TRPC6: variants seen among roughly 807,000 people sequenced by gnomAD.
TRPC6 encodes the protein transient receptor potential cation channel subfamily C member 6.
A neutral mutation model predicts 90.7 loss-of-function variants in TRPC6; 55 were observed. The ratio of observed to expected loss-of-function variants is 0.61; its 90% CI spans 0.49 to 0.76. The LOEUF is 0.76. Among genes scored for constraint, TRPC6 ranks in the 30% least tolerant of loss-of-function variants. The probability of loss-of-function intolerance (pLI) is 0.00; values close to 1 mark genes in which losing one functional copy is unlikely to be tolerated. For synonymous variants in TRPC6, 393 were observed against 393.0 expected (o/e 1.00, Z 0.00); for missense variants, 989 against 1,122.7 (o/e 0.88, Z 1.70).
At chr11:101,507,005 TAACACA>T (rs1565222769) in intron 1 of TRPC6, among the ~76,000 whole-genome samples, 2 of 64,940 alleles carry the variant, frequency 3.1e-5, no homozygotes, top group African/African-American at 5.4e-5. Flanking sequence ...TCTCTCTCTC[TAACACA>T]CACACACACA....
Position 101,452,345 on chromosome 11 carries a change from A to T in TRPC6, c.*610T>A, listed in dbSNP as rs200709731. The T allele has an allele frequency of 1.3e-5, 2 of 153,294 alleles. No homozygotes were observed. Among genetic ancestry groups the T allele is most frequent in the Non-Finnish European group, 2.9e-5 (2 of 68,848 alleles). The allele number at this position is 153,294 out of a possible 1,614,324, so 9.5% of individuals were successfully genotyped here. A position where few individuals can be genotyped will look rare whatever the true frequency, so the allele number is the denominator to read the frequency against. On this transcript the variant is annotated 3_prime_UTR_variant, in exon 13 of 13. Transcript: ENST00000344327. Reference sequence around the variant, plus strand: ...GTTCAGTGGAGGAAAAACTTTTTTCATTGTTAAGTGTAATGTTTTCAAATA... The same window carrying T: ...GTTCAGTGGAGGAAAAACTTTTTTCTTTGTTAAGTGTAATGTTTTCAAATA...
chr11:101,483,781 G>C (rs1264542518), intron 4 of TRPC6, among the ~76,000 whole-genome samples: 1 of 152,176 alleles, frequency 6.6e-6, no homozygotes, highest in Non-Finnish European at 1.5e-5. Flanking sequence ...TTTAGGTTCA[G>C]GTTCCAGTTT....
At chr11:101,529,261 T>C (rs554117480) in intron 1 of TRPC6, among the ~76,000 whole-genome samples, 28 of 152,226 alleles carry the variant, frequency 1.8e-4, no homozygotes, top group Admixed American at 1.8e-3. Flanking sequence ...ATAATGCATA[T>C]ATAGTCGATT....
chr11:101,523,099 C>A (rs1296700927), intron 1 of TRPC6, among the ~76,000 whole-genome samples: 1 of 152,146 alleles, frequency 6.6e-6, no homozygotes, highest in South Asian at 2.1e-4. Flanking sequence ...AAAAATTTGG[C>A]AAATTGGGCA....
At chr11:101,562,618 A>G (rs1861739669) in intron 1 of TRPC6, among the ~76,000 whole-genome samples, 1 of 152,234 alleles carries the variant, frequency 6.6e-6, no homozygotes, top group African/African-American at 2.4e-5. Flanking sequence ...AGCCTTACTC[A>G]TATGTAGGTA....
At chr11:101,559,609 T>C (rs1346064502) in intron 1 of TRPC6, among the ~76,000 whole-genome samples, 2 of 151,644 alleles carry the variant, frequency 1.3e-5, no homozygotes, top group Non-Finnish European at 2.9e-5. Context: ...TCTCTACACC[T>C]AAGAGCATCC....
chr11:101,541,315 G>A (rs1861166878), intron 1 of TRPC6, among the ~76,000 whole-genome samples: 1 of 152,154 alleles, frequency 6.6e-6, no homozygotes, highest in African/African-American at 2.4e-5. Flanking sequence ...TGGAGTAGAA[G>A]AGTTATGATG....
At position 101,452,847 on chromosome 11, in the gene TRPC6, C is replaced by T. The variant is rs539447913; in HGVS notation, c.*108G>A. 4.9e-5 allele frequency: 65 copies of T among 1,339,406 alleles called. No homozygotes were observed. In the East Asian group the frequency reaches 5.1e-4, roughly 10 times the overall value. 83.0% of individuals were successfully genotyped at this position (1,339,406 alleles called of 1,614,324 possible). On this transcript the variant is annotated 3_prime_UTR_variant, in exon 13 of 13. Coordinates refer to ENST00000344327, the MANE Select transcript of TRPC6 (RefSeq NM_004621.6). ...TGATAGGATGGCCCAAGTTATTTAA[C>T]GTTTTCTTGTTTAAAAGGTGGGCCC... is the stretch of plus-strand genomic sequence containing the variant.
chr11:101,458,576 C>A (rs753821240), intron 10 of TRPC6, among the ~76,000 whole-genome samples: 1 of 152,126 alleles, frequency 6.6e-6, no homozygotes, highest in Non-Finnish European at 1.5e-5. Flanking sequence ...ATGCTAGCAA[C>A]CACCAAACTC....
intron 1 of TRPC6, among the ~76,000 whole-genome samples, chr11:101,535,691 G>A (rs1270865821): frequency 6.6e-6 from 1 of 152,066 alleles, no homozygotes; most frequent in African/African-American, 2.4e-5. Context: ...TATTGATTAG[G>A]CATACCAATG....
In TRPC6 at chr11:101,557,629, C is replaced by CA. The variant is rs1555012427; in HGVS notation, c.170+25704dup. The stretch of plus-strand genomic sequence containing the variant: ...AAACTCTACTAATTCCACACACACA[C>CA]AAAAAAAAACCTGTTATAACAAATG... On this transcript the variant is annotated intron_variant, in intron 1 of 12. Transcript: ENST00000344327. Among the ~76,000 whole-genome samples the CA allele has an allele frequency of 3.0e-3, 407 of 134,682 alleles. 3 individuals are homozygous for CA. Among genetic ancestry groups the CA allele is most frequent in the African/African-American group, 8.7e-3 (325 of 37,364 alleles). The allele number at this position is 134,682 out of a possible 152,430, so 88.4% of individuals were successfully genotyped here.
intron 1 of TRPC6, among the ~76,000 whole-genome samples, chr11:101,560,761 G>C (rs1269789131): frequency 6.6e-6 from 1 of 152,082 alleles, no homozygotes; most frequent in Admixed American, 6.6e-5. Context: ...TGTTCCTGAA[G>C]AAAAAAGAAT....
At chr11:101,455,767 T>C (rs1277715280) in intron 10 of TRPC6, among the ~76,000 whole-genome samples, 1 of 152,220 alleles carries the variant, frequency 6.6e-6, no homozygotes, top group African/African-American at 2.4e-5. Context: ...TTAAAATCCT[T>C]GCATTCACTT....
intron 1 of TRPC6, among the ~76,000 whole-genome samples, chr11:101,579,345 G>T (rs77219645): frequency 0.028 from 4,329 of 151,910 alleles, 116 homozygotes; most frequent in African/African-American, 0.068. Context: ...TACTTTTAAA[G>T]ATTCTTTTTC....
intron 10 of TRPC6, among the ~76,000 whole-genome samples, chr11:101,467,420 C>T (rs1276524443): frequency 6.6e-6 from 1 of 152,098 alleles, no homozygotes; most frequent in Non-Finnish European, 1.5e-5. Flanking sequence ...CCACTATGTG[C>T]CAGGCCCTGT....
intron 2 of TRPC6, among the ~76,000 whole-genome samples, chr11:101,493,820 A>G (rs1453910537): frequency 2.0e-5 from 3 of 152,182 alleles, no homozygotes; most frequent in African/African-American, 7.2e-5. Context: ...CAATAAGGCC[A>G]TATGTGGGGG....
At chr11:101,538,731 A>C (rs1282201782) in intron 1 of TRPC6, among the ~76,000 whole-genome samples, 2 of 152,200 alleles carry the variant, frequency 1.3e-5, no homozygotes, top group African/African-American at 4.8e-5. Flanking sequence ...TGGAAACATG[A>C]TAAAAACTGG....
At chr11:101,531,684 A>G (rs1860915904) in intron 1 of TRPC6, among the ~76,000 whole-genome samples, 2 of 152,152 alleles carry the variant, frequency 1.3e-5, no homozygotes, top group African/African-American at 2.4e-5. Context: ...TGCCTACCAT[A>G]TTTTCACCCA....
chr11:101,470,592 G>T (rs1335805114), intron 9 of TRPC6, among the ~76,000 whole-genome samples: 1 of 152,104 alleles, frequency 6.6e-6, no homozygotes, highest in African/African-American at 2.4e-5. Flanking sequence ...ATCTGAACAT[G>T]CTGTGATCGC....
Sources: allele counts gnomAD v4.1 joint callset (sites outside exome capture counted in the v4.1 genomes callset), GRCh38; gene constraint gnomAD v4.1.1; transcripts MANE v1.5; gene names NCBI Gene and HGNC (gene_info 2026-07-23, HGNC 2026-07-21).